Variants in THEMIS observed in about 807,000 individuals in gnomAD.
THEMIS encodes protein THEMIS.
In THEMIS, 37 loss-of-function variants were observed where a neutral mutation model predicts 52.6. That is an observed-to-expected ratio of 0.70 (90% CI 0.54 to 0.93). THEMIS has a LOEUF of 0.93. Among genes scored for constraint, THEMIS ranks in the 40% least tolerant of loss-of-function variants. THEMIS has a pLI of 0.00. For synonymous variants in THEMIS, 292 were observed against 272.7 expected (o/e 1.07, Z -0.70); for missense variants, 808 against 763.1 (o/e 1.06, Z -0.69).
Position 127,847,004 on chromosome 6 carries a change from A to G in THEMIS, c.250+8026T>C, listed in dbSNP as rs575868130. ...TAACCCAAGTAAATAAATGTGATACATCACATAAACAGAATTAAAAACAGA... is the reference window on the plus strand; with the variant it reads ...TAACCCAAGTAAATAAATGTGATACGTCACATAAACAGAATTAAAAACAGA... On this transcript the variant is annotated intron_variant, in intron 2 of 5. Transcript: ENST00000368248. Among the ~76,000 whole-genome samples, 300 of 152,178 alleles carry G rather than the reference A, an allele frequency of 2.0e-3. 1 individual carries two copies. Among genetic ancestry groups the G allele is most frequent in the Middle Eastern group, 0.01 (3 of 294 alleles).
In THEMIS at chr6:127,910,320, C is replaced by G. The variant is rs184242105; in HGVS notation, c.-150+8108G>C. Among the ~76,000 whole-genome samples, 192 of 152,030 alleles carry G rather than the reference C, an allele frequency of 1.3e-3. 2 individuals are homozygous for G. Among genetic ancestry groups the G allele is most frequent in the Non-Finnish European group, 6.9e-4 (47 of 67,942 alleles). ...CCTCATCATTTTGTAAGCTCATTGTCTTAGAAGATGTATTTATTTCATTCT... is the reference window on the plus strand; with the variant it reads ...CCTCATCATTTTGTAAGCTCATTGTGTTAGAAGATGTATTTATTTCATTCT... On this transcript the variant is annotated intron_variant, in intron 1 of 6. Transcript: ENST00000368250.
chr6:127,710,082 T>C (rs371152021), intron 5 of THEMIS, 66 bp from the exon 6 acceptor site: 3 of 1,153,514 alleles, frequency 2.6e-6, no homozygotes, highest in Middle Eastern at 5.1e-4. Context: ...GGAAACTGCC[T>C]GCTTTCAAAT....
At chr6:127,723,428 G>A (rs80306813) in intron 4 of THEMIS, among the ~76,000 whole-genome samples, 8,811 of 151,860 alleles carry the variant, frequency 0.058, 272 homozygotes, top group East Asian at 0.092. Context: ...CAAACATTGC[G>A]TGTCAAGAGG....
At chr6:127,799,715 C>T (rs113674344) in intron 4 of THEMIS, among the ~76,000 whole-genome samples, 7 of 152,218 alleles carry the variant, frequency 4.6e-5, no homozygotes, top group African/African-American at 1.2e-4. Context: ...AACATACACA[C>T]GGACTATGAT....
chr6:127,907,846 A>G (rs1032518846), intron 1 of THEMIS, among the ~76,000 whole-genome samples: 1 of 151,478 alleles, frequency 6.6e-6, no homozygotes, highest in African/African-American at 2.4e-5. Flanking sequence ...ATTTTATTTT[A>G]TTTTATTTTT....
chr6:127,758,085 A>G (rs1775896150), intron 4 of THEMIS, among the ~76,000 whole-genome samples: 1 of 151,514 alleles, frequency 6.6e-6, no homozygotes, highest in African/African-American at 2.4e-5. Context: ...ATACATGTTC[A>G]TAACAAAAGA....
chr6:127,862,290 G>A (rs1779828201), intron 1 of THEMIS, among the ~76,000 whole-genome samples: 1 of 151,828 alleles, frequency 6.6e-6, no homozygotes, highest in African/African-American at 2.4e-5. Context: ...TATTGTACTG[G>A]CATTCTGATT....
intron 4 of THEMIS, among the ~76,000 whole-genome samples, chr6:127,762,042 G>A (rs1206423409): frequency 6.6e-6 from 1 of 152,046 alleles, no homozygotes; most frequent in African/African-American, 2.4e-5. Flanking sequence ...GAAAATGTAC[G>A]CTATACATAC....
chr6:127,811,614 G>C (rs1777910350), intron 4 of THEMIS, among the ~76,000 whole-genome samples: 1 of 152,152 alleles, frequency 6.6e-6, no homozygotes, highest in South Asian at 2.1e-4. Context: ...ATATTCATAG[G>C]TTCTGGGAAT....
intron 4 of THEMIS, among the ~76,000 whole-genome samples, chr6:127,744,296 C>T (rs1239543349): frequency 6.6e-6 from 1 of 151,922 alleles, no homozygotes; most frequent in African/African-American, 2.4e-5. Flanking sequence ...TTATGTTACC[C>T]CCAGGCTCTT....
chr6:127,804,061 ATAAGAAATT>A (rs1350091764), intron 4 of THEMIS, among the ~76,000 whole-genome samples: 2 of 152,180 alleles, frequency 1.3e-5, no homozygotes, highest in Non-Finnish European at 2.9e-5. Flanking sequence ...TATGCATAAA[ATAAGAAATT>A]TGTGTGTGTG....
chr6:127,706,160 G>A (rs1243609773), downstream of THEMIS, among the ~76,000 whole-genome samples: 3 of 151,850 alleles, frequency 2.0e-5, no homozygotes, highest in African/African-American at 7.3e-5. Context: ...AAAGATGCAA[G>A]ACTCCAAAAC....
chr6:127,873,650 C>T (rs1780223289), intron 1 of THEMIS, among the ~76,000 whole-genome samples: 2 of 152,192 alleles, frequency 1.3e-5, no homozygotes, highest in South Asian at 4.1e-4. Context: ...GTTAAGGGCA[C>T]TGGCCTTGTG....
intron 4 of THEMIS, among the ~76,000 whole-genome samples, chr6:127,749,770 A>G (rs1583230401): frequency 1.3e-5 from 2 of 151,640 alleles, no homozygotes; most frequent in South Asian, 4.2e-4. Context: ...AACAGGCCTT[A>G]TCTCCTGGAC....
chr6:127,784,564 T>C (rs1199202595), intron 4 of THEMIS, among the ~76,000 whole-genome samples: 2 of 152,146 alleles, frequency 1.3e-5, no homozygotes, highest in East Asian at 3.9e-4. Context: ...CAGGGATTCA[T>C]ACACGACACA....
chr6:127,700,166 T>A, the THEMIS span, among the ~76,000 whole-genome samples: 1 of 151,864 alleles, frequency 6.6e-6, no homozygotes, highest in Non-Finnish European at 1.5e-5. Context: ...AAGTTAATTA[T>A]TTTCATGTAA....
At chr6:127,723,431 T>C (rs1047941616) in intron 4 of THEMIS, among the ~76,000 whole-genome samples, 5 of 152,046 alleles carry the variant, frequency 3.3e-5, no homozygotes, top group Admixed American at 3.3e-4. Flanking sequence ...ACATTGCGTG[T>C]CAAGAGGTCT....
At chr6:127,883,135 C>A (rs1350524130) in intron 1 of THEMIS, among the ~76,000 whole-genome samples, 2 of 151,916 alleles carry the variant, frequency 1.3e-5, no homozygotes. Flanking sequence ...ATGTTTACTT[C>A]AACAACTAAA....
chr6:127,853,670 A>C (rs959453055), intron 2 of THEMIS, among the ~76,000 whole-genome samples: 6 of 151,666 alleles, frequency 4.0e-5, no homozygotes, highest in African/African-American at 1.5e-4. Context: ...TGACTCCTCC[A>C]ATGACAGTAA....
Sources: gnomAD v4.1 joint callset for allele counts (sites outside exome capture counted in the v4.1 genomes callset) on GRCh38, gnomAD v4.1.1 for gene constraint, MANE v1.5 for transcripts, NCBI Gene and HGNC (gene_info 2026-07-23, HGNC 2026-07-21) for gene names.